The following PRKCA variants were observed in gnomAD, a reference collection of about 807,000 sequenced individuals.
PRKCA encodes protein kinase C alpha.
A neutral mutation model predicts 87.0 loss-of-function variants in PRKCA; 27 were observed. The observed-to-expected ratio is 0.31, with a 90% CI of 0.23 to 0.43. PRKCA has a LOEUF of 0.43. Ranked by LOEUF, PRKCA falls within the 20% of genes least tolerant of loss-of-function variation. The probability of loss-of-function intolerance (pLI) is 1.00; values close to 1 mark genes in which losing one functional copy is unlikely to be tolerated. For missense variants in PRKCA, 518 were observed against 852.3 expected, an observed-to-expected ratio of 0.61 and a Z score of 4.88; for synonymous variants, 329 against 311.1, an observed-to-expected ratio of 1.06 and a Z score of -0.61.
intron 14 of PRKCA, among the ~76,000 whole-genome samples, chr17:66,785,852 G>T (rs191848799): frequency 1.3e-5 from 2 of 152,148 alleles, no homozygotes; most frequent in African/African-American, 4.8e-5. Context: ...TTTTTGAGAC[G>T]GAGTCTCGCT....
At chr17:66,321,556 A>T (rs1905661636) in intron 2 of PRKCA, among the ~76,000 whole-genome samples, 1 of 151,914 alleles carries the variant, frequency 6.6e-6, no homozygotes. Context: ...CTTTTTAAAA[A>T]TTTTTTTTAG....
chr17:66,662,818 C>T (rs550977044), intron 5 of PRKCA, among the ~76,000 whole-genome samples: 1 of 152,230 alleles, frequency 6.6e-6, no homozygotes. Context: ...ATAAAGTTTA[C>T]TCCTGTTTTA....
chr17:66,671,798 A>G (rs979124179), intron 5 of PRKCA, among the ~76,000 whole-genome samples: 1 of 152,228 alleles, frequency 6.6e-6, no homozygotes, highest in African/African-American at 2.4e-5. Flanking sequence ...AGAACAATTT[A>G]AAGTCTAAGC....
chr17:66,489,929 C>T (rs1916161737), intron 2 of PRKCA, among the ~76,000 whole-genome samples: 1 of 151,808 alleles, frequency 6.6e-6, no homozygotes, highest in African/African-American at 2.4e-5. Context: ...TACAGGCATG[C>T]AACACCACAC....
chr17:66,672,807 G>A (rs1421060839), intron 5 of PRKCA, among the ~76,000 whole-genome samples: 3 of 152,122 alleles, frequency 2.0e-5, no homozygotes, highest in Non-Finnish European at 2.9e-5. Flanking sequence ...TATAAAGGCA[G>A]GTTCTAAAAC....
chr17:66,770,402 T>TG, intron 13 of PRKCA, among the ~76,000 whole-genome samples: 1 of 152,180 alleles, frequency 6.6e-6, no homozygotes, highest in Non-Finnish European at 1.5e-5. Context: ...AATTGGGAAA[T>TG]TATATAGTCA....
intron 13 of PRKCA, among the ~76,000 whole-genome samples, chr17:66,747,520 A>T (rs1250098864): frequency 6.6e-6 from 1 of 152,180 alleles, no homozygotes; most frequent in Non-Finnish European, 1.5e-5. Context: ...GACTTGCCAC[A>T]TGTTAGTATG....
intron 2 of PRKCA, among the ~76,000 whole-genome samples, chr17:66,320,025 G>A (rs1034912008): frequency 6.6e-6 from 1 of 152,146 alleles, no homozygotes; most frequent in Non-Finnish European, 1.5e-5. Flanking sequence ...GATTACAGGT[G>A]TGAGCCACTC....
At chr17:66,517,930 G>A (rs1234450047) in intron 3 of PRKCA, among the ~76,000 whole-genome samples, 1 of 152,172 alleles carries the variant, frequency 6.6e-6, no homozygotes, top group East Asian at 1.9e-4. Flanking sequence ...ATTTAGGATG[G>A]TTGTGAGTAC....
At chr17:66,700,738 C>T (rs1383269952) in intron 8 of PRKCA, among the ~76,000 whole-genome samples, 1 of 151,904 alleles carries the variant, frequency 6.6e-6, no homozygotes, top group African/African-American at 2.4e-5. Flanking sequence ...TAAATTTAAC[C>T]GAGGAGGTGA....
chr17:66,660,996 C>A (rs1019697024), intron 5 of PRKCA, among the ~76,000 whole-genome samples: 3 of 152,130 alleles, frequency 2.0e-5, no homozygotes, highest in African/African-American at 7.2e-5. Context: ...TCTAGAGTAT[C>A]GTGAAACGCA....
At chr17:66,472,631 A>G (rs1225828813) in intron 2 of PRKCA, among the ~76,000 whole-genome samples, 1 of 152,166 alleles carries the variant, frequency 6.6e-6, no homozygotes, top group Admixed American at 6.5e-5. Flanking sequence ...CTTGGAGTGA[A>G]TATCTTCAAA....
chr17:66,533,170 G>A (rs145577921), intron 3 of PRKCA, among the ~76,000 whole-genome samples: 56 of 152,274 alleles, frequency 3.7e-4, no homozygotes, highest in African/African-American at 1.3e-3. Context: ...TACTTAAAGG[G>A]ATGCCCTAAA....
intron 2 of PRKCA, among the ~76,000 whole-genome samples, chr17:66,364,862 A>AT (rs1908608514): frequency 6.6e-6 from 1 of 151,926 alleles, no homozygotes; most frequent in African/African-American, 2.4e-5. Context: ...TTTTGATGTG[A>AT]TTTTTTTCTT....
chr17:66,774,355 T>C, intron 14 of PRKCA: 2 of 1,221,672 alleles, frequency 1.6e-6, no homozygotes, highest in Non-Finnish European at 2.1e-6. Flanking sequence ...GCGCGGTGGC[T>C]CATGGCTATA....
chr17:66,359,469 CAG>C (rs1303821508), intron 2 of PRKCA, among the ~76,000 whole-genome samples: 1 of 152,186 alleles, frequency 6.6e-6, no homozygotes, highest in Non-Finnish European at 1.5e-5. Context: ...ATAAGCCTCT[CAG>C]AGATGTAGCA....
chr17:66,594,534 G>A (rs1969914005), intron 3 of PRKCA, among the ~76,000 whole-genome samples: 1 of 152,146 alleles, frequency 6.6e-6, no homozygotes, highest in African/African-American at 2.4e-5. Flanking sequence ...CTCTAGGAAA[G>A]ATACATTACT....
intron 8 of PRKCA, among the ~76,000 whole-genome samples, chr17:66,701,811 CAAAAG>C (rs969614468): frequency 3.9e-5 from 6 of 151,932 alleles, no homozygotes; most frequent in Non-Finnish European, 7.4e-5. Flanking sequence ...ATCAAAAAGT[CAAAAG>C]ATAAGTGTTA....
intron 8 of PRKCA, among the ~76,000 whole-genome samples, chr17:66,710,413 G>A (rs927495530): frequency 6.6e-6 from 1 of 151,930 alleles, no homozygotes; most frequent in Non-Finnish European, 1.5e-5. Flanking sequence ...TACTAACCTG[G>A]CAGTTTTTCT....
Sources: gnomAD v4.1 joint callset for allele counts (sites outside exome capture counted in the v4.1 genomes callset) on GRCh38, gnomAD v4.1.1 for gene constraint, MANE v1.5 for transcripts, NCBI Gene and HGNC (gene_info 2026-07-23, HGNC 2026-07-21) for gene names.